Variants in ELP4 observed in about 807,000 individuals in gnomAD.
ELP4 encodes the protein elongator complex protein 4.
A neutral mutation model predicts 48.9 loss-of-function variants in ELP4; 51 were observed. The observed-to-expected ratio is 1.04, with a 90% CI of 0.83 to 1.32. The LOEUF is 1.32. Among genes scored for constraint, ELP4 ranks in the 40% most tolerant of loss-of-function variants. The pLI is 0.00. For missense variants in ELP4, 519 were observed against 514.6 expected (o/e 1.01, Z -0.08); for synonymous variants, 210 against 189.2 (o/e 1.11, Z -0.90).
At chr11:31,529,114 T>C (rs1420196567) in intron 2 of ELP4, among the ~76,000 whole-genome samples, 1 of 144,582 alleles carries the variant, frequency 6.9e-6, no homozygotes, top group Non-Finnish European at 1.5e-5. Context: ...AGACTCCGTC[T>C]GAAAAAAAAA....
intron 9 of ELP4, among the ~76,000 whole-genome samples, chr11:31,752,299 G>T (rs1005409925): frequency 2.6e-5 from 4 of 152,062 alleles, no homozygotes; most frequent in Admixed American, 1.3e-4. Context: ...AATTTCCTAG[G>T]AAACAGCATA....
At chr11:31,544,195 G>C (rs1043503106) in intron 3 of ELP4, among the ~76,000 whole-genome samples, 7 of 152,250 alleles carry the variant, frequency 4.6e-5, no homozygotes, top group African/African-American at 1.7e-4. Flanking sequence ...AGCAGGGCGA[G>C]GCATTGCCTC....
At chr11:31,656,653 A>G (rs1161179228) in intron 9 of ELP4, among the ~76,000 whole-genome samples, 1 of 152,010 alleles carries the variant, frequency 6.6e-6, no homozygotes, top group African/African-American at 2.4e-5. Context: ...AAAGTCAAAT[A>G]TTTAGAATCT....
At chr11:31,695,537 A>C (rs1377489395) in intron 9 of ELP4, among the ~76,000 whole-genome samples, 1 of 150,828 alleles carries the variant, frequency 6.6e-6, no homozygotes, top group East Asian at 1.9e-4. Context: ...AAGCTTTTTG[A>C]TGTGCTGCTG....
intron 3 of ELP4, among the ~76,000 whole-genome samples, chr11:31,551,679 G>C (rs1050507944): frequency 1.3e-5 from 2 of 152,098 alleles, no homozygotes; most frequent in African/African-American, 2.4e-5. Context: ...CATGCATTAA[G>C]TATGGGCAGT....
At chr11:31,709,563 T>A (rs1198191809) in intron 9 of ELP4, among the ~76,000 whole-genome samples, 1 of 152,182 alleles carries the variant, frequency 6.6e-6, no homozygotes, top group African/African-American at 2.4e-5. Flanking sequence ...CACCTCAGTA[T>A]CTGCGGACTT....
chr11:31,669,924 A>G (rs778038018), intron 9 of ELP4, among the ~76,000 whole-genome samples: 1 of 152,162 alleles, frequency 6.6e-6, no homozygotes, highest in Non-Finnish European at 1.5e-5. Context: ...ATATGCCTCC[A>G]TATCAACCTA....
At chr11:31,587,068 C>CTCTG (rs1194454048) in intron 3 of ELP4, among the ~76,000 whole-genome samples, 5 of 152,336 alleles carry the variant, frequency 3.3e-5, no homozygotes, top group African/African-American at 9.6e-5. Flanking sequence ...CTCCCCATTA[C>CTCTG]TCTGTATTCT....
At chr11:31,774,010 CTT>C (rs1337716030) in intron 9 of ELP4, among the ~76,000 whole-genome samples, 1 of 152,118 alleles carries the variant, frequency 6.6e-6, no homozygotes, top group African/African-American at 2.4e-5. Context: ...GAAACCCTAT[CTT>C]TACAAAAAAT....
chr11:31,644,003 T>C (rs1945151108), intron 7 of ELP4, among the ~76,000 whole-genome samples: 1 of 151,820 alleles, frequency 6.6e-6, no homozygotes, highest in Non-Finnish European at 1.5e-5. Context: ...CTATTTGAGA[T>C]TGCCAGCAAA....
At chr11:31,611,160 T>C (rs1957970691) in intron 5 of ELP4, among the ~76,000 whole-genome samples, 1 of 152,322 alleles carries the variant, frequency 6.6e-6, no homozygotes, top group Non-Finnish European at 1.5e-5. Flanking sequence ...AGTGACTTTT[T>C]CAACATAGTA....
chr11:31,753,712 CAG>C (rs765489443), intron 9 of ELP4, among the ~76,000 whole-genome samples: 12 of 151,804 alleles, frequency 7.9e-5, no homozygotes, highest in Admixed American at 3.9e-4. Flanking sequence ...TTTTGTGAAA[CAG>C]AAAAATATGA....
rs141344418 is a variant in ELP4, at chr11:31,787,375, C to T, written c.*3851C>T. On this transcript the variant is annotated 3_prime_UTR_variant, in exon 10 of 10. Coordinates refer to ENST00000640961, the MANE Select transcript of ELP4 (RefSeq NM_019040.5). ...ATTCCCACCTCTTGCACCTGGCGTGCGACATCCGGGTCTCCAAAGTCTCTG... is the reference window on the plus strand; with the variant it reads ...ATTCCCACCTCTTGCACCTGGCGTGTGACATCCGGGTCTCCAAAGTCTCTG... 1,466 of 233,302 alleles carry T rather than the reference C, an allele frequency of 6.3e-3. 14 individuals are homozygous for T. Among genetic ancestry groups the T allele is most frequent in the African/African-American group, 0.03 (1,374 of 45,472 alleles). 14.5% of individuals were successfully genotyped at this position (233,302 alleles called of 1,614,324 possible).
intron 5 of ELP4, among the ~76,000 whole-genome samples, chr11:31,619,357 T>C (rs185641269): frequency 5.3e-4 from 81 of 152,084 alleles, no homozygotes; most frequent in African/African-American, 1.9e-3. Flanking sequence ...GCTGAGAATG[T>C]GGTGTCTTAG....
chr11:31,619,219 GA>G (rs1349156874), intron 5 of ELP4, among the ~76,000 whole-genome samples: 1 of 151,522 alleles, frequency 6.6e-6, no homozygotes, highest in African/African-American at 2.4e-5. Flanking sequence ...AGAGAGGAGA[GA>G]ATTGCCCAAG....
At chr11:31,652,817 A>C (rs562876739) in intron 9 of ELP4, 1 of 151,706 alleles carries the variant, frequency 6.6e-6, no homozygotes, top group Non-Finnish European at 1.5e-5. Flanking sequence ...GATTTGTTAC[A>C]TGTTGGAATT....
intron 5 of ELP4, among the ~76,000 whole-genome samples, chr11:31,609,488 G>A (rs766632034): frequency 5.3e-5 from 8 of 151,966 alleles, no homozygotes; most frequent in African/African-American, 1.2e-4. Context: ...TCTGTAAGGC[G>A]GGAAAGAAAT....
At chr11:31,649,554 A>T (rs779642235) in intron 8 of ELP4, 2 of 151,734 alleles carry the variant, frequency 1.3e-5, no homozygotes, top group Non-Finnish European at 2.9e-5. Flanking sequence ...ATGCCATAGA[A>T]ATGAGTGTCT....
chr11:31,688,329 A>T (rs1484127827), intron 9 of ELP4, among the ~76,000 whole-genome samples: 1 of 152,152 alleles, frequency 6.6e-6, no homozygotes, highest in Non-Finnish European at 1.5e-5. Flanking sequence ...CCCCTGGGAG[A>T]TACATGCCTG....
Sources: allele counts gnomAD v4.1 joint callset (sites outside exome capture counted in the v4.1 genomes callset), GRCh38; gene constraint gnomAD v4.1.1; transcripts MANE v1.5; gene names NCBI Gene and HGNC (gene_info 2026-07-23, HGNC 2026-07-21).